SMOC2: variants seen among roughly 807,000 people sequenced by gnomAD.
The protein encoded by SMOC2 is SPARC related modular calcium binding 2.
Under a neutral mutation model 61.4 loss-of-function variants are expected in SMOC2, and 39 were observed. The ratio of observed to expected loss-of-function variants is 0.64; its 90% CI spans 0.49 to 0.83. The LOEUF is 0.83. SMOC2 is among the 40% of genes least tolerant of loss of function. The pLI is 0.00. For missense variants in SMOC2, 556 were observed against 592.9 expected, an observed-to-expected ratio of 0.94 and a Z score of 0.65; for synonymous variants, 247 against 239.9, an observed-to-expected ratio of 1.03 and a Z score of -0.27.
intron 1 of SMOC2, among the ~76,000 whole-genome samples, chr6:168,443,534 C>A (rs1401341171): frequency 6.6e-6 from 1 of 152,196 alleles, no homozygotes; most frequent in Non-Finnish European, 1.5e-5. Context: ...AGATTAAAGC[C>A]ATAACACATT....
intron 12 of SMOC2, among the ~76,000 whole-genome samples, chr6:168,665,906 C>CT (rs575714666): frequency 6.4e-4 from 94 of 145,952 alleles, no homozygotes; most frequent in East Asian, 8.0e-4. Context: ...TCATATATTG[C>CT]TTTTTTTTTT....
chr6:168,648,662 T>G (rs1159814307), intron 9 of SMOC2, among the ~76,000 whole-genome samples: 1 of 152,214 alleles, frequency 6.6e-6, no homozygotes, highest in Non-Finnish European at 1.5e-5. Context: ...TGCTATAGAT[T>G]TTGATCTCCT....
chr6:168,563,897 C>T (rs373632959), intron 7 of SMOC2, among the ~76,000 whole-genome samples: 5 of 152,168 alleles, frequency 3.3e-5, no homozygotes, highest in East Asian at 1.9e-4. Flanking sequence ...TCTGCGTCTC[C>T]GGCTTCAGGG....
intron 2 of SMOC2, among the ~76,000 whole-genome samples, chr6:168,518,786 AG>A (rs1208057910): frequency 6.9e-6 from 1 of 144,010 alleles, no homozygotes; most frequent in African/African-American, 2.6e-5. Context: ...CATGTGTGAA[AG>A]CATGTATGTG....
chr6:168,517,018 G>A (rs2115060143), intron 2 of SMOC2, among the ~76,000 whole-genome samples: 1 of 152,336 alleles, frequency 6.6e-6, no homozygotes, highest in African/African-American at 2.4e-5. Context: ...AACCCCTGGA[G>A]TGATACACGC....
chr6:168,489,956 C>A (rs1782432730), intron 1 of SMOC2, among the ~76,000 whole-genome samples: 1 of 151,764 alleles, frequency 6.6e-6, no homozygotes. Flanking sequence ...CATCTGGGTC[C>A]TCTTGGATCA....
chr6:168,488,220 G>A (rs527846243), intron 1 of SMOC2, among the ~76,000 whole-genome samples: 4 of 152,322 alleles, frequency 2.6e-5, no homozygotes, highest in South Asian at 2.1e-4. Context: ...TGGTGCCTCC[G>A]GCACTCCTTG....
Position 168,499,520 on chromosome 6 carries a change from G to A in SMOC2, c.85-10395G>A, listed in dbSNP as rs73791040. Among the ~76,000 whole-genome samples, 1,044 of 152,282 alleles carry A rather than the reference G, an allele frequency of 6.9e-3. 11 individuals carry two copies. The highest frequency in any genetic ancestry group is 0.024 in the African/African-American group (989 of 41,540). On this transcript the variant is annotated intron_variant, in intron 1 of 12. Transcript: ENST00000356284. ...GAGCTATGAAGTGTGCGGCAGATGG[G>A]GCAGTGATGAGAGTCAAACCTTCAG...
At chr6:168,664,232 A>T in intron 12 of SMOC2, 121 bp downstream of exon 12, 1 of 854,050 alleles carries the variant, frequency 1.2e-6, no homozygotes, top group Non-Finnish European at 1.9e-6. Context: ...AAAATAAATA[A>T]TTCAAGGGAG....
rs1273797540 is a variant in SMOC2, at chr6:168,527,708, C to T, written c.444C>T (p.His148=). ...GRPISGTAVA[H]KTPRCPGSVN... is the part of the protein sequence containing the mutation. ...CCATCAGCGGCACTGCCGTGGCCCA[C>T]AAGACGCCCCGGTGCCCGGGTAGGT... is the stretch of plus-strand genomic sequence containing the variant. The change falls in exon 4 of 13, where the codon CAC becomes CAT. Residue 148 remains histidine, a synonymous_variant. Transcript: ENST00000356284. 12 of 1,551,468 alleles carry T rather than the reference C, an allele frequency of 7.7e-6. No individual in the cohort carries two copies. Among genetic ancestry groups the T allele is most frequent in the Non-Finnish European group, 1.0e-5 (12 of 1,147,010 alleles).
chr6:168,534,502 C>T (rs1783689378), intron 4 of SMOC2, among the ~76,000 whole-genome samples: 1 of 152,248 alleles, frequency 6.6e-6, no homozygotes, highest in African/African-American at 2.4e-5. Context: ...GTGATGACTC[C>T]AGAGGCCCTT....
chr6:168,512,059 G>A (rs1462121001), intron 2 of SMOC2, among the ~76,000 whole-genome samples: 1 of 152,080 alleles, frequency 6.6e-6, no homozygotes, highest in Non-Finnish European at 1.5e-5. Flanking sequence ...TTTATCATGT[G>A]ATGATGTTAT....
chr6:168,624,897 A>T (rs1215203639), intron 9 of SMOC2, among the ~76,000 whole-genome samples: 2 of 152,034 alleles, frequency 1.3e-5, no homozygotes, highest in East Asian at 3.9e-4. Flanking sequence ...ACAGATACAT[A>T]AACACACATG....
rs139712963 is a variant in SMOC2 at position 168,587,959 on chromosome 6, T to A, written c.638-10859T>A. On this transcript the variant is annotated intron_variant, in intron 7 of 12. Coordinates refer to ENST00000356284, the MANE Select transcript of SMOC2 (RefSeq NM_001166412.2). ...ATAAACAACAGAAATTCATTTCTCA[T>A]AGCTCTGGAGGCTGGAAGTCCAAGA... Among the ~76,000 whole-genome samples, 1,288 of 151,212 alleles carry A rather than the reference T, an allele frequency of 8.5e-3. 18 individuals carry two copies. The highest frequency in any genetic ancestry group is 0.029 in the African/African-American group (1,195 of 41,244).
chr6:168,479,216 C>T (rs1416140316), intron 1 of SMOC2, among the ~76,000 whole-genome samples: 1 of 152,182 alleles, frequency 6.6e-6, no homozygotes, highest in Non-Finnish European at 1.5e-5. Context: ...TCTAGAACAG[C>T]CCTGGGTTAC....
At chr6:168,637,520 G>A (rs901234422) in intron 9 of SMOC2, among the ~76,000 whole-genome samples, 4 of 152,214 alleles carry the variant, frequency 2.6e-5, no homozygotes, top group Admixed American at 2.6e-4. Context: ...AGAAACAAAT[G>A]CTGCCCAGTT....
At chr6:168,442,335 G>A (rs971704573) in intron 1 of SMOC2, among the ~76,000 whole-genome samples, 1 of 152,236 alleles carries the variant, frequency 6.6e-6, no homozygotes, top group African/African-American at 2.4e-5. Flanking sequence ...CAACGCACGC[G>A]GTGTCAAACG....
chr6:168,568,126 G>T (rs757801229), intron 7 of SMOC2, among the ~76,000 whole-genome samples: 1 of 151,348 alleles, frequency 6.6e-6, no homozygotes, highest in African/African-American at 2.4e-5. Flanking sequence ...AGCAGCTACA[G>T]GCGAAGACCG....
chr6:168,600,418 AAAAC>A (rs1265431697), intron 8 of SMOC2, among the ~76,000 whole-genome samples: 3 of 24,258 alleles, frequency 1.2e-4, no homozygotes, highest in African/African-American at 1.3e-4. Context: ...AAAAAAAAAA[AAAAC>A]AAAAAAAAAA....
Sources: gnomAD v4.1 joint callset for allele counts (sites outside exome capture counted in the v4.1 genomes callset) on GRCh38, gnomAD v4.1.1 for gene constraint, MANE v1.5 for transcripts, NCBI Gene and HGNC (gene_info 2026-07-23, HGNC 2026-07-21) for gene names.